IQSEC1: variants seen among roughly 807,000 people sequenced by gnomAD.
The protein encoded by IQSEC1 is IQ motif and SEC7 domain-containing protein 1.
In IQSEC1, 31 loss-of-function variants were observed where a neutral mutation model predicts 91.0. The observed-to-expected ratio is 0.34, with a 90% CI of 0.26 to 0.46. IQSEC1 has a LOEUF of 0.46. Among genes scored for constraint, IQSEC1 ranks in the 20% least tolerant of loss-of-function variants. The probability of loss-of-function intolerance (pLI) is 1.00; values close to 1 mark genes in which losing one functional copy is unlikely to be tolerated. For synonymous variants in IQSEC1, 699 were observed against 662.6 expected (o/e 1.05, Z -0.84); for missense variants, 1,388 against 1,575.6 (o/e 0.88, Z 2.02).
chr3:12,938,566 G>A (rs1012094380), intron 2 of IQSEC1, among the ~76,000 whole-genome samples: 1 of 152,188 alleles, frequency 6.6e-6, no homozygotes, highest in Non-Finnish European at 1.5e-5. Context: ...TCCAAGAAAT[G>A]ACCTCACTTC....
chr3:13,056,669 C>A (rs571799454), intron 1 of IQSEC1, among the ~76,000 whole-genome samples: 2 of 151,530 alleles, frequency 1.3e-5, no homozygotes, highest in African/African-American at 2.4e-5. Flanking sequence ...TCAGCTCAGG[C>A]GGCTGATCTC....
At chr3:12,929,806 G>T (rs1697506638) in intron 3 of IQSEC1, among the ~76,000 whole-genome samples, 1 of 152,142 alleles carries the variant, frequency 6.6e-6, no homozygotes, top group African/African-American at 2.4e-5. Flanking sequence ...CGGCCCTGCT[G>T]CCCCCTAAAA....
At chr3:13,061,730 C>T (rs1705075132) in intron 1 of IQSEC1, among the ~76,000 whole-genome samples, 1 of 152,194 alleles carries the variant, frequency 6.6e-6, no homozygotes, top group Admixed American at 6.5e-5. Context: ...CAGACTTGCC[C>T]CAAACTGCCA....
At position 12,900,689 on chromosome 3, in the gene IQSEC1, A is replaced by C; in HGVS notation, c.*294T>G. 7.5e-7 allele frequency: 1 copy of C among 1,337,390 alleles called. No homozygotes were observed. Among genetic ancestry groups the C allele is most frequent in the Non-Finnish European group, 9.6e-7 (1 of 1,042,988 alleles). 82.8% of individuals were successfully genotyped at this position (1,337,390 alleles called of 1,614,324 possible). On this transcript the variant is annotated 3_prime_UTR_variant, in exon 14 of 14. Transcript: ENST00000613206. ...AGCTGAGAGCTGGAGTGGGGGAGGC[A>C]GTTCAACACTACTTGGCTGGCTCAC...
rs974265379 is a variant in IQSEC1 at position 13,093,139 on chromosome 3, G to A, written c.303-45617C>T. Among the ~76,000 whole-genome samples, 7 of 152,252 alleles carry A rather than the reference G, an allele frequency of 4.6e-5. 1 individual carries two copies. The highest frequency in any genetic ancestry group is 3.9e-4 in the Admixed American group (6 of 15,306). On this transcript the variant is annotated intron_variant, in intron 2 of 15. Transcript: ENST00000648114. The stretch of plus-strand genomic sequence containing the variant: ...CACACAGGTCCTGCCCCTGCCCAGG[G>A]CACAGTCTGTGGTTTCACCAACTCC...
At position 13,165,534 on chromosome 3, in the gene IQSEC1, T is replaced by C. The variant is rs1225906594; in HGVS notation, c.273-1401A>G. Among the ~76,000 whole-genome samples the C allele has an allele frequency of 8.0e-4, 8 of 9,962 alleles. No individual in the cohort carries two copies. In the East Asian group the frequency reaches 0.035, roughly 44 times the overall value. 6.5% of individuals were successfully genotyped at this position (9,962 alleles called of 152,430 possible). A position where few individuals can be genotyped will look rare whatever the true frequency, so the allele number is the denominator to read the frequency against. On this transcript the variant is annotated intron_variant, in intron 1 of 15. Coordinates refer to the IQSEC1 transcript ENST00000648114. ...AGCGGGGGGGTGGGGGGTGGGGGGG[T>C]GGCGTGTGTGTGTGTGTGTGTGTGT... is the stretch of plus-strand genomic sequence containing the variant.
intron 1 of IQSEC1, among the ~76,000 whole-genome samples, chr3:13,242,506 C>T (rs1479869001): frequency 2.0e-5 from 3 of 152,192 alleles, no homozygotes; most frequent in Non-Finnish European, 4.4e-5. Context: ...GCTCCATTAG[C>T]GGCACCCATG....
chr3:13,042,184 C>T (rs1251446916), intron 1 of IQSEC1: 2 of 152,252 alleles, frequency 1.3e-5, no homozygotes, highest in Non-Finnish European at 2.9e-5. Flanking sequence ...GGGGACCCTC[C>T]GCCAAGAGGA....
chr3:13,011,466 G>T (rs928565105), intron 1 of IQSEC1, among the ~76,000 whole-genome samples: 1 of 152,220 alleles, frequency 6.6e-6, no homozygotes, highest in South Asian at 2.1e-4. Flanking sequence ...TTACAGAGGA[G>T]GTCACTGAAG....
At chr3:12,980,165 C>A (rs1377850650) in intron 1 of IQSEC1, among the ~76,000 whole-genome samples, 17 of 152,214 alleles carry the variant, frequency 1.1e-4, no homozygotes, top group Admixed American at 1.1e-3. Context: ...CTCCCACCAC[C>A]CCTTCAAGTG....
At chr3:13,088,914 C>T (rs62232941) in intron 2 of IQSEC1, among the ~76,000 whole-genome samples, 3,545 of 152,370 alleles carry the variant, frequency 0.023, 52 homozygotes, top group Non-Finnish European at 0.036. Context: ...TCCTTTATTG[C>T]AGATCCTAGG....
chr3:13,170,052 C>T (rs1300765754), intron 1 of IQSEC1, among the ~76,000 whole-genome samples: 1 of 152,208 alleles, frequency 6.6e-6, no homozygotes, highest in Non-Finnish European at 1.5e-5. Flanking sequence ...GCAGCCCCTC[C>T]CATCACAAGC....
chr3:13,190,803 G>C (rs189382143), intron 1 of IQSEC1, among the ~76,000 whole-genome samples: 3 of 152,304 alleles, frequency 2.0e-5, no homozygotes, highest in Admixed American at 1.3e-4. Context: ...AGTTAAAGGA[G>C]AGTACAGGTA....
At chr3:12,933,074 A>AG (rs1697836873) in intron 3 of IQSEC1, among the ~76,000 whole-genome samples, 1 of 152,222 alleles carries the variant, frequency 6.6e-6, no homozygotes, top group Admixed American at 6.5e-5. Flanking sequence ...GTTGCTAGGA[A>AG]GGGGTGGGAA....
In IQSEC1 at chr3:12,935,513, C is replaced by T. The variant is rs543348361; in HGVS notation, c.1503G>A (p.Ser501=). Residue 501 remains serine, a synonymous_variant, in exon 3 of 14, where the codon TCG becomes TCA. Coordinates refer to ENST00000613206, the MANE Select transcript of IQSEC1 (RefSeq NM_001134382.3). This position sits in a 1 kb window ranked among gnomAD's most constrained non-coding sequence, Gnocchi z 8.0. ...YHKEARNSWD[S]PAFSNDVIRK... The stretch of plus-strand genomic sequence containing the variant: ...GGATGACATCGTTGCTAAAGGCAGG[C>T]GAGTCCCAGCTGTTGCGGGCCTCCT... The T allele has an allele frequency of 1.9e-5, 31 of 1,613,950 alleles. No individual in the cohort carries two copies. Among genetic ancestry groups the T allele is most frequent in the South Asian group, 1.5e-4 (14 of 91,080 alleles).
intron 2 of IQSEC1, among the ~76,000 whole-genome samples, chr3:13,086,916 C>T (rs1705745852): frequency 2.0e-5 from 3 of 152,236 alleles, no homozygotes; most frequent in Admixed American, 2.0e-4. Flanking sequence ...GGCAGGGTCA[C>T]CCCCTGTCTT....
At chr3:13,159,700 A>G (rs357169) in intron 2 of IQSEC1, among the ~76,000 whole-genome samples, 136,999 of 152,200 alleles carry the variant, frequency 0.9, 61,902 homozygotes, top group African/African-American at 0.97. Context: ...ATGAGGTGAG[A>G]CCCCCACCCA....
At chr3:13,016,889 C>G (rs1193379371) in intron 1 of IQSEC1, among the ~76,000 whole-genome samples, 1 of 152,138 alleles carries the variant, frequency 6.6e-6, no homozygotes, top group Non-Finnish European at 1.5e-5. Context: ...CAAAAAGAAC[C>G]CCTCCCCAGC....
rs550769384 is a variant in IQSEC1, at chr3:12,897,153, A to T, written c.*3830T>A. The T allele has an allele frequency of 6.6e-6, 1 of 152,392 alleles. No homozygotes were observed. The highest frequency in any genetic ancestry group is 1.9e-4 in the East Asian group (1 of 5,194). 9.4% of individuals were successfully genotyped at this position (152,392 alleles called of 1,614,324 possible). On this transcript the variant is annotated 3_prime_UTR_variant, in exon 14 of 14. Transcript: ENST00000613206. ...GTCACAACAAGTAATGGGGAAACTC[A>T]TCAGCTGGAGATCTGGGTCTGGCCA...
Sources: allele counts gnomAD v4.1 joint callset (sites outside exome capture counted in the v4.1 genomes callset), GRCh38; gene constraint gnomAD v4.1.1; non-coding constraint Gnocchi (gnomAD v3.1); transcripts MANE v1.5; gene names NCBI Gene and HGNC (gene_info 2026-07-23, HGNC 2026-07-21).